Variants in DPP6 observed in about 807,000 individuals in gnomAD.
DPP6 encodes the protein dipeptidyl peptidase like 6, also known as A-type potassium channel modulatory protein DPP6.
DPP6 carries 69 observed loss-of-function variants against 122.6 expected under a neutral mutation model. The ratio of observed to expected loss-of-function variants is 0.56; its 90% CI spans 0.46 to 0.69. The LOEUF (loss-of-function observed/expected upper bound fraction) is 0.69. DPP6 is among the 30% of genes least tolerant of loss of function. The pLI, the probability that DPP6 is intolerant of heterozygous loss-of-function variation, is 0.00. For synonymous variants in DPP6, 418 were observed against 433.1 expected (o/e 0.97, Z 0.43); for missense variants, 928 against 1,116.9 (o/e 0.83, Z 2.41).
At chr7:154,155,149 G>C (rs888229544) in intron 1 of DPP6, among the ~76,000 whole-genome samples, 17 of 152,226 alleles carry the variant, frequency 1.1e-4, no homozygotes, top group Non-Finnish European at 2.4e-4. Context: ...GAGCAGGGAA[G>C]GTCTTGGGTG....
intron 20 of DPP6, among the ~76,000 whole-genome samples, chr7:154,879,336 TTTG>T (rs1805152323): frequency 1.1e-5 from 1 of 93,602 alleles, no homozygotes; most frequent in East Asian, 1.0e-3. Context: ...ATCCCAGCAC[TTTG>T]GGAGGCCGAG....
chr7:154,122,844 A>C (rs1807587297), intron 1 of DPP6, among the ~76,000 whole-genome samples: 1 of 152,210 alleles, frequency 6.6e-6, no homozygotes, highest in African/African-American at 2.4e-5. Flanking sequence ...TCTGATCATC[A>C]CTGTGCGCCC....
intron 1 of DPP6, among the ~76,000 whole-genome samples, chr7:153,897,473 C>T (rs1308342403): frequency 2.6e-5 from 4 of 152,310 alleles, no homozygotes; most frequent in South Asian, 2.1e-4. Flanking sequence ...TTCTTAAGTT[C>T]GGAAGATACA....
chr7:153,908,030 T>G (rs955079720), intron 1 of DPP6, among the ~76,000 whole-genome samples: 1 of 59,052 alleles, frequency 1.7e-5, no homozygotes, highest in Non-Finnish European at 3.8e-5. Context: ...AGGCTGGAAG[T>G]TTTTTTTTTT....
rs140131849 is a variant in DPP6, at chr7:154,255,942, T to C, written c.244-190272T>C. ...TTCAACACCTATAAAATAAGAAGAG[T>C]AATATCTGCGCTCTTTACCAGTTTT... On this transcript the variant is annotated intron_variant, in intron 1 of 25. Coordinates refer to ENST00000377770, the MANE Select transcript of DPP6 (RefSeq NM_130797.4). 3.7e-4 allele frequency among the ~76,000 whole-genome samples: 57 copies of C among 152,234 alleles called. No individual in the cohort carries two copies. The East Asian group carries it at 8.1e-3, about 22-fold the overall frequency.
At chr7:154,564,875 C>T (rs1830644433) in intron 4 of DPP6, among the ~76,000 whole-genome samples, 3 of 152,292 alleles carry the variant, frequency 2.0e-5, no homozygotes, top group Admixed American at 2.0e-4. Flanking sequence ...TCTGCTTTCT[C>T]ATTTCAACTT....
intron 6 of DPP6, among the ~76,000 whole-genome samples, chr7:154,655,859 T>C (rs1837205251): frequency 6.6e-6 from 1 of 152,150 alleles, no homozygotes; most frequent in East Asian, 1.9e-4. Context: ...CCTTCAGGCT[T>C]TGACTAAATC....
rs187802661 is a variant in DPP6 at position 154,835,143 on chromosome 7, G to A, written c.1667-18637G>A. On this transcript the variant is annotated intron_variant, in intron 16 of 25. Transcript: ENST00000377770. ...TTAAAGTCCTAATGCCCAGGAAATA[G>A]GATCATTGTAGATGTAACTAATTAA... 5.9e-5 allele frequency among the ~76,000 whole-genome samples: 9 copies of A among 152,198 alleles called. No individual in the cohort carries two copies. In the East Asian group the frequency reaches 1.7e-3, roughly 29 times the overall value.
chr7:154,257,390 C>A (rs1016604897), intron 1 of DPP6, among the ~76,000 whole-genome samples: 1 of 152,062 alleles, frequency 6.6e-6, no homozygotes, highest in Non-Finnish European at 1.5e-5. Context: ...AGGCAGGTCT[C>A]CCATTTAGGA....
chr7:154,211,587 G>C (rs549539838), intron 1 of DPP6, among the ~76,000 whole-genome samples: 1 of 152,264 alleles, frequency 6.6e-6, no homozygotes, highest in East Asian at 1.9e-4. Flanking sequence ...ACCAGTACCG[G>C]GGAAGAAATG....
chr7:154,892,562 C>A lies in DPP6; in HGVS notation c.*82C>A. ...GATTTCCCTGCCCTCCCTCTTCCCT[C>A]GGAGGGGCGGGGCGGGGCGGGGCCG... On this transcript the variant is annotated 3_prime_UTR_variant, in exon 26 of 26. Coordinates refer to ENST00000377770, the MANE Select transcript of DPP6 (RefSeq NM_130797.4). 3.1e-6 allele frequency: 2 copies of A among 649,002 alleles called. No individual in the cohort carries two copies. Among genetic ancestry groups the A allele is most frequent in the Non-Finnish European group, 5.3e-6 (2 of 379,026 alleles). 40.2% of individuals were successfully genotyped at this position (649,002 alleles called of 1,614,324 possible). A position where few individuals can be genotyped will look rare whatever the true frequency, so the allele number is the denominator to read the frequency against.
rs1049589763 is a variant in DPP6 at position 153,946,527 on chromosome 7, T to C, written c.51+58793T>C. ...TTCGATGGGTTTTAGACGGCTTCTT[T>C]ACTATATCTCATTTTATCAGCAGGA... On this transcript the variant is annotated intron_variant, in intron 1 of 25. Transcript: ENST00000404039. 2.6e-5 allele frequency among the ~76,000 whole-genome samples: 4 copies of C among 152,142 alleles called. 1 individual carries two copies. Among genetic ancestry groups the C allele is most frequent in the African/African-American group, 9.7e-5 (4 of 41,434 alleles).
At chr7:154,633,157 CCTTA>C (rs1482323722) in intron 5 of DPP6, among the ~76,000 whole-genome samples, 2 of 152,024 alleles carry the variant, frequency 1.3e-5, no homozygotes, top group African/African-American at 2.4e-5. Flanking sequence ...CTGAAAGCAG[CCTTA>C]CTAATTTCCA....
intron 10 of DPP6, 70 bp from the exon 11 acceptor site, chr7:154,794,009 T>A: frequency 1.9e-6 from 3 of 1,551,558 alleles, no homozygotes; most frequent in Non-Finnish European, 1.8e-6. Context: ...AGGGCTGGGG[T>A]CGGCGGTCCC....
At chr7:154,794,326 T>G in intron 11 of DPP6, 124 bp downstream of exon 11, 1 of 1,362,236 alleles carries the variant, frequency 7.3e-7, no homozygotes. Flanking sequence ...GCCCAGCTGC[T>G]GCGGGGAGCC....
At chr7:153,941,519 C>T (rs6974384) in intron 1 of DPP6, among the ~76,000 whole-genome samples, 21,691 of 152,082 alleles carry the variant, frequency 0.14, 1,760 homozygotes, top group African/African-American at 0.22. Context: ...CAGGACACTG[C>T]TGGAGAGAGA....
chr7:154,654,287 C>T (rs1029470042), intron 6 of DPP6, among the ~76,000 whole-genome samples: 1 of 151,984 alleles, frequency 6.6e-6, no homozygotes, highest in Non-Finnish European at 1.5e-5. Context: ...ATGTTAAAAG[C>T]ATCTCTCTGA....
intron 1 of DPP6, among the ~76,000 whole-genome samples, chr7:154,247,439 G>A (rs1802052139): frequency 6.6e-6 from 1 of 152,080 alleles, no homozygotes; most frequent in Non-Finnish European, 1.5e-5. Flanking sequence ...ATGGACAAAA[G>A]ACTTGAACAG....
At position 154,612,740 on chromosome 7, in the gene DPP6, A is replaced by G. The variant is rs75240357; in HGVS notation, c.628-25081A>G. 9.3e-3 allele frequency among the ~76,000 whole-genome samples: 1,411 copies of G among 152,304 alleles called. 10 individuals carry two copies. Among genetic ancestry groups the G allele is most frequent in the Non-Finnish European group, 0.014 (973 of 68,034 alleles). On this transcript the variant is annotated intron_variant, in intron 5 of 25. Transcript: ENST00000377770. ...ACAGTCACTGTTTCCCAGAAAGACT[A>G]TGCCATTTTCCATTCCCACCAGCAA... is the stretch of plus-strand genomic sequence containing the variant.
Sources: gnomAD v4.1 joint callset for allele counts (sites outside exome capture counted in the v4.1 genomes callset) on GRCh38, gnomAD v4.1.1 for gene constraint, MANE v1.5 for transcripts, NCBI Gene and HGNC (gene_info 2026-07-23, HGNC 2026-07-21) for gene names.